The following NEGR1 variants were observed in gnomAD, a reference collection of about 807,000 sequenced individuals.
The protein encoded by NEGR1 is neuronal growth regulator 1.
In NEGR1, 10 loss-of-function variants were observed where a neutral mutation model predicts 40.9. The ratio of observed to expected loss-of-function variants is 0.24; its 90% CI spans 0.15 to 0.42. The LOEUF (loss-of-function observed/expected upper bound fraction) is 0.42. NEGR1 is among the 10% of genes least tolerant of loss of function. NEGR1 has a pLI of 1.00. For missense variants in NEGR1, 352 were observed against 438.9 expected (o/e 0.80, Z 1.77); for synonymous variants, 185 against 166.8 (o/e 1.11, Z -0.84).
intron 2 of NEGR1, among the ~76,000 whole-genome samples, chr1:71,811,597 G>A (rs1340291233): frequency 6.6e-6 from 1 of 150,434 alleles, no homozygotes; most frequent in Non-Finnish European, 1.5e-5. Flanking sequence ...TTACTTATAA[G>A]TAAGTAATTA....
intron 2 of NEGR1, among the ~76,000 whole-genome samples, chr1:71,825,489 T>C (rs1312760944): frequency 6.6e-6 from 1 of 151,938 alleles, no homozygotes; most frequent in African/African-American, 2.4e-5. Context: ...GCTCCAGGTA[T>C]CTGACAGGTT....
intron 1 of NEGR1, among the ~76,000 whole-genome samples, chr1:72,029,818 C>G (rs1169221016): frequency 2.0e-5 from 3 of 152,058 alleles, no homozygotes; most frequent in Non-Finnish European, 2.9e-5. Flanking sequence ...ATAAAAATCT[C>G]TAAAAAAGAA....
chr1:72,007,113 C>T (rs1365488274), intron 1 of NEGR1, among the ~76,000 whole-genome samples: 2 of 151,964 alleles, frequency 1.3e-5, no homozygotes, highest in African/African-American at 4.8e-5. Flanking sequence ...ATTAACACTG[C>T]AGCAATTTGT....
intron 1 of NEGR1, among the ~76,000 whole-genome samples, chr1:72,197,670 TCTGCAAA>T (rs1653048424): frequency 6.6e-6 from 1 of 151,998 alleles, no homozygotes; most frequent in East Asian, 1.9e-4. Flanking sequence ...TCCATTTTCA[TCTGCAAA>T]ATAAATTCTC....
chr1:71,533,053 T>C (rs903139836), intron 6 of NEGR1, among the ~76,000 whole-genome samples: 2 of 151,554 alleles, frequency 1.3e-5, no homozygotes, highest in Non-Finnish European at 3.0e-5. Flanking sequence ...GTGGACACAA[T>C]TGACCAAAAT....
At chr1:72,164,028 T>TA (rs1453925860) in intron 1 of NEGR1, among the ~76,000 whole-genome samples, 1 of 149,016 alleles carries the variant, frequency 6.7e-6, no homozygotes, top group Non-Finnish European at 1.5e-5. Context: ...TTTTTTTTTT[T>TA]AAAGTAAAGT....
chr1:72,137,137 C>T (rs1215884911), intron 1 of NEGR1, among the ~76,000 whole-genome samples: 1 of 152,126 alleles, frequency 6.6e-6, no homozygotes, highest in Non-Finnish European at 1.5e-5. Flanking sequence ...AACACTTTTA[C>T]ACTCATTATG....
At chr1:72,074,476 T>C (rs1400061201) in intron 1 of NEGR1, among the ~76,000 whole-genome samples, 1 of 152,036 alleles carries the variant, frequency 6.6e-6, no homozygotes, top group Non-Finnish European at 1.5e-5. Context: ...CCACTGCTGT[T>C]CCAGGTTTTA....
At chr1:72,278,094 T>C (rs1403876922) in intron 1 of NEGR1, among the ~76,000 whole-genome samples, 2 of 152,274 alleles carry the variant, frequency 1.3e-5, no homozygotes, top group East Asian at 3.9e-4. Context: ...CAGTTTCCAA[T>C]AGTGTAGAAA....
At chr1:71,691,733 A>C (rs1320694617) in intron 4 of NEGR1, among the ~76,000 whole-genome samples, 2 of 151,694 alleles carry the variant, frequency 1.3e-5, no homozygotes, top group Non-Finnish European at 3.0e-5. Context: ...TTCACTCCAC[A>C]ATGCTTAACC....
chr1:72,282,347 C>A lies in NEGR1; in HGVS notation c.148G>T (p.Val50Phe). 6.2e-7 allele frequency: 1 copy of A among 1,614,108 alleles called. No homozygotes were observed. Among genetic ancestry groups the A allele is most frequent in the Non-Finnish European group, 8.5e-7 (1 of 1,179,998 alleles). The change falls in exon 1 of 7, where the codon GTC becomes TTC. Residue 50 changes from valine to phenylalanine, a missense_variant. Coordinates refer to ENST00000357731, the MANE Select transcript of NEGR1 (RefSeq NM_173808.3). ...FPWAAVDNMM[V>F]RKGDTAVLRC... is the part of the protein sequence containing the mutation. ...AGCACCGCCGTGTCCCCTTTTCTGA[C>A]CATCATGTTGTCCACGGCCGCCCAG...
intron 4 of NEGR1, among the ~76,000 whole-genome samples, chr1:71,645,275 T>C (rs931664925): frequency 6.6e-5 from 10 of 152,034 alleles, no homozygotes; most frequent in African/African-American, 2.2e-4. Flanking sequence ...ATAGTATGCA[T>C]AGTACTCACT....
At chr1:71,664,883 A>C (rs955988343) in intron 4 of NEGR1, among the ~76,000 whole-genome samples, 1 of 152,196 alleles carries the variant, frequency 6.6e-6, no homozygotes. Flanking sequence ...ATCTAGAGAA[A>C]TGTAAGTTTC....
intron 1 of NEGR1, among the ~76,000 whole-genome samples, chr1:71,973,763 A>G (rs915578945): frequency 6.6e-6 from 1 of 152,214 alleles, no homozygotes. Context: ...TGCACAGAAT[A>G]TAACAACAGA....
intron 2 of NEGR1, among the ~76,000 whole-genome samples, chr1:71,913,380 G>T (rs1234242541): frequency 1.3e-5 from 2 of 152,136 alleles, no homozygotes; most frequent in South Asian, 4.1e-4. Flanking sequence ...CTCCCAAAGT[G>T]CTGGGATTAC....
intron 2 of NEGR1, among the ~76,000 whole-genome samples, chr1:71,788,831 T>G (rs1657005661): frequency 6.6e-6 from 1 of 152,052 alleles, no homozygotes; most frequent in Non-Finnish European, 1.5e-5. Flanking sequence ...TTAGAAAATG[T>G]TTGTCATTTG....
At chr1:71,487,015 C>T (rs1646892036) in intron 6 of NEGR1, 1 of 151,482 alleles carries the variant, frequency 6.6e-6, no homozygotes, top group Admixed American at 6.6e-5. Flanking sequence ...GCATCTTGAG[C>T]AATTCTATTC....
At chr1:71,852,599 A>G (rs1485503328) in intron 2 of NEGR1, among the ~76,000 whole-genome samples, 1 of 152,048 alleles carries the variant, frequency 6.6e-6, no homozygotes, top group Non-Finnish European at 1.5e-5. Flanking sequence ...TTTCCAGACA[A>G]TAGACCACAA....
At chr1:71,638,272 CAT>C (rs1184311241) in intron 4 of NEGR1, among the ~76,000 whole-genome samples, 1 of 152,060 alleles carries the variant, frequency 6.6e-6, no homozygotes, top group Admixed American at 6.6e-5. Context: ...GTGCTCTCAT[CAT>C]ATGAATCACT....
Sources: allele counts gnomAD v4.1 joint callset (sites outside exome capture counted in the v4.1 genomes callset), GRCh38; gene constraint gnomAD v4.1.1; transcripts MANE v1.5; gene names NCBI Gene and HGNC (gene_info 2026-07-23, HGNC 2026-07-21).